CNTN4: variants seen among roughly 807,000 people sequenced by gnomAD.
The protein encoded by CNTN4 is contactin-4.
Under a neutral mutation model 122.5 loss-of-function variants are expected in CNTN4, and 77 were observed. The ratio of observed to expected loss-of-function variants is 0.63; its 90% CI spans 0.52 to 0.76. The LOEUF (loss-of-function observed/expected upper bound fraction) is 0.76, where lower values mean the gene tolerates loss of function less well. CNTN4 is among the 30% of genes least tolerant of loss of function. The probability of loss-of-function intolerance (pLI) is 0.00; values close to 1 mark genes in which losing one functional copy is unlikely to be tolerated. For synonymous variants in CNTN4, 512 were observed against 447.0 expected, an observed-to-expected ratio of 1.15 and a Z score of -1.83; for missense variants, 1,256 against 1,259.1, an observed-to-expected ratio of 1.00 and a Z score of 0.04.
chr3:2,643,763 A>T (rs2083000036), intron 4 of CNTN4, among the ~76,000 whole-genome samples: 1 of 152,164 alleles, frequency 6.6e-6, no homozygotes, highest in Non-Finnish European at 1.5e-5. Flanking sequence ...CATTACAAAG[A>T]GTAGACTGAG....
At chr3:2,409,232 T>C (rs1321840051) in intron 3 of CNTN4, among the ~76,000 whole-genome samples, 1 of 151,162 alleles carries the variant, frequency 6.6e-6, no homozygotes, top group Non-Finnish European at 1.5e-5. Context: ...GAGTAATTTC[T>C]AGGTATCTTT....
intron 4 of CNTN4, among the ~76,000 whole-genome samples, chr3:2,598,878 T>C (rs1239362041): frequency 6.6e-6 from 1 of 152,204 alleles, no homozygotes; most frequent in African/African-American, 2.4e-5. Flanking sequence ...CTCAAGCTCT[T>C]ACTAATGGTA....
At chr3:2,967,849 CT>C (rs796772751) in intron 13 of CNTN4, among the ~76,000 whole-genome samples, 4,538 of 108,676 alleles carry the variant, frequency 0.042, 129 homozygotes, top group Admixed American at 0.12. Flanking sequence ...GTTTTGTTTG[CT>C]TTTTTTTTTT....
intron 3 of CNTN4, among the ~76,000 whole-genome samples, chr3:2,343,899 A>G (rs1484580016): frequency 6.6e-6 from 1 of 152,198 alleles, no homozygotes; most frequent in Non-Finnish European, 1.5e-5. Flanking sequence ...GTGTGGTGAC[A>G]GCCTCAGGAA....
intron 14 of CNTN4, among the ~76,000 whole-genome samples, chr3:3,012,908 C>G (rs1229867949): frequency 1.3e-5 from 2 of 151,878 alleles, no homozygotes; most frequent in Non-Finnish European, 2.9e-5. Context: ...GCAGAAGTTG[C>G]TGTGAGCCGA....
In CNTN4 at chr3:2,917,619, C is replaced by T. The variant is rs144305390; in HGVS notation, c.1208-8010C>T. On this transcript the variant is annotated intron_variant, in intron 12 of 24. Coordinates refer to ENST00000418658, the MANE Select transcript of CNTN4 (RefSeq NM_175607.3). ...CTCTGTCTTGTAGTGGATGGAGTTC[C>T]GGAGGGTGTACATTTAACAAGCTTC... 1.2e-4 allele frequency among the ~76,000 whole-genome samples: 19 copies of T among 152,144 alleles called. No individual in the cohort carries two copies. The East Asian group carries it at 1.4e-3, about 11-fold the overall frequency.
chr3:2,709,555 T>C lies in CNTN4; in HGVS notation c.56-26660T>C, dbSNP rs1374187994. The stretch of plus-strand genomic sequence containing the variant: ...ATGCCAGACTTCTAGACCAGTCTCC[T>C]TTCCAATTCCATAAAATGAACAATT... On this transcript the variant is annotated intron_variant, in intron 4 of 24. Transcript: ENST00000418658. The surrounding 1 kb of genome is among the most constrained non-coding windows in gnomAD (Gnocchi z 5.0). 6.6e-6 allele frequency among the ~76,000 whole-genome samples: 1 copy of C among 152,206 alleles called. No homozygotes were observed. Among genetic ancestry groups the C allele is most frequent in the Non-Finnish European group, 1.5e-5 (1 of 68,034 alleles).
At chr3:2,313,633 A>G (rs779340700) in intron 2 of CNTN4, among the ~76,000 whole-genome samples, 1 of 152,024 alleles carries the variant, frequency 6.6e-6, no homozygotes, top group Non-Finnish European at 1.5e-5. Context: ...CCTGTTAGCC[A>G]TTAGCCATGC....
chr3:2,520,217 G>A (rs969378921), intron 3 of CNTN4, among the ~76,000 whole-genome samples: 7 of 138,138 alleles, frequency 5.1e-5, no homozygotes, highest in African/African-American at 1.9e-4. Flanking sequence ...TGCCAGTCAT[G>A]ATTTACATTA....
intron 3 of CNTN4, among the ~76,000 whole-genome samples, chr3:2,564,731 G>A (rs1408228404): frequency 2.6e-5 from 4 of 152,002 alleles, no homozygotes; most frequent in Admixed American, 6.6e-5. Flanking sequence ...TTTGAAGAGG[G>A]TCTTCTCGGT....
intron 3 of CNTN4, among the ~76,000 whole-genome samples, chr3:2,437,540 A>G (rs2048298455): frequency 6.6e-6 from 1 of 152,192 alleles, no homozygotes. Flanking sequence ...GCTACTTAAA[A>G]GCAATTGAAA....
chr3:2,693,366 A>G (rs1393312028), intron 4 of CNTN4, among the ~76,000 whole-genome samples: 2 of 152,212 alleles, frequency 1.3e-5, no homozygotes, highest in African/African-American at 2.4e-5. Flanking sequence ...TTTAAATCAA[A>G]TATCAGTTCA....
rs1270174724 is a variant in CNTN4, at chr3:2,441,376, A to G, written c.-89+102143A>G. On this transcript the variant is annotated intron_variant, in intron 3 of 24. Transcript: ENST00000418658. ...TTAAGCCTCCTGCCTGTATGATCTG[A>G]TTGAATCAGCATTGCTTACCATAGG... 3.3e-5 allele frequency among the ~76,000 whole-genome samples: 5 copies of G among 152,166 alleles called. No individual in the cohort carries two copies. In the South Asian group the frequency reaches 1.0e-3, roughly 31 times the overall value.
At chr3:3,009,063 G>T in intron 14 of CNTN4, 10 of 983,404 alleles carry the variant, frequency 1.0e-5, no homozygotes, top group Non-Finnish European at 1.2e-5. Context: ...CAAGTGGCAA[G>T]AGCACCACCT....
chr3:2,711,487 A>T (rs968700640), intron 4 of CNTN4, among the ~76,000 whole-genome samples: 11 of 152,184 alleles, frequency 7.2e-5, no homozygotes, highest in Non-Finnish European at 1.6e-4. Flanking sequence ...TTTAGATATG[A>T]TATATTCCAA....
intron 7 of CNTN4, among the ~76,000 whole-genome samples, chr3:2,843,146 A>G (rs1053539991): frequency 6.6e-6 from 1 of 152,100 alleles, no homozygotes; most frequent in Admixed American, 6.6e-5. Context: ...TGAGCATTTG[A>G]TCTTCTTCCT....
At chr3:2,993,379 C>T (rs1695225093) in intron 14 of CNTN4, among the ~76,000 whole-genome samples, 1 of 150,982 alleles carries the variant, frequency 6.6e-6, no homozygotes, top group East Asian at 2.0e-4. Context: ...CTCACTGCAA[C>T]CTTTGCCTCC....
At chr3:2,101,743 A>G (rs2031980245) in intron 2 of CNTN4, among the ~76,000 whole-genome samples, 1 of 151,204 alleles carries the variant, frequency 6.6e-6, no homozygotes. Flanking sequence ...TATATGATAC[A>G]CTACTTATAA....
chr3:2,943,112 T>A (rs2094632845), intron 13 of CNTN4, among the ~76,000 whole-genome samples: 2 of 152,058 alleles, frequency 1.3e-5, no homozygotes, highest in South Asian at 4.1e-4. Flanking sequence ...TGAGGGCAAA[T>A]GTCAGAATGC....
Sources: gnomAD v4.1 joint callset for allele counts (sites outside exome capture counted in the v4.1 genomes callset) on GRCh38, gnomAD v4.1.1 for gene constraint, Gnocchi (gnomAD v3.1) non-coding constraint, MANE v1.5 for transcripts, NCBI Gene and HGNC (gene_info 2026-07-23, HGNC 2026-07-21) for gene names.